The following NRG1 variants were observed in gnomAD, a reference collection of about 807,000 sequenced individuals.
NRG1 encodes pro-neuregulin-1, membrane-bound isoform.
NRG1 carries 18 observed loss-of-function variants against 63.8 expected under a neutral mutation model. The observed-to-expected ratio is 0.28, with a 90% CI of 0.19 to 0.42. The LOEUF (loss-of-function observed/expected upper bound fraction) is 0.42. Ranked by LOEUF, NRG1 falls within the 10% of genes least tolerant of loss-of-function variation. The pLI is 1.00. For missense variants in NRG1, 762 were observed against 814.7 expected, an observed-to-expected ratio of 0.94 and a Z score of 0.79; for synonymous variants, 302 against 301.3, an observed-to-expected ratio of 1.00 and a Z score of -0.02.
intron 5 of NRG1, among the ~76,000 whole-genome samples, chr8:32,641,873 A>G (rs1446839373): frequency 6.6e-6 from 1 of 152,190 alleles, no homozygotes; most frequent in Non-Finnish European, 1.5e-5. Context: ...CATCTCACCT[A>G]TTTTGCATCA....
intron 3 of NRG1, among the ~76,000 whole-genome samples, chr8:32,606,159 T>C (rs1240100533): frequency 2.0e-5 from 3 of 148,650 alleles, no homozygotes; most frequent in Non-Finnish European, 3.0e-5. Context: ...ATATATGTAT[T>C]ATGTATGTAT....
At chr8:32,648,032 A>G in intron 5 of NRG1, 1 of 1,614,142 alleles carries the variant, frequency 6.2e-7, no homozygotes, top group Non-Finnish European at 8.5e-7. Context: ...AGATCTTTGA[A>G]TATGACTCTC....
chr8:32,565,826 T>C (rs187136599), intron 1 of NRG1, among the ~76,000 whole-genome samples: 65 of 152,324 alleles, frequency 4.3e-4, no homozygotes, highest in Admixed American at 3.5e-3. Flanking sequence ...CTGTGCTTGA[T>C]GGTTGGTCTC....
chr8:32,573,704 A>T (rs1839074743), intron 1 of NRG1, among the ~76,000 whole-genome samples: 1 of 151,956 alleles, frequency 6.6e-6, no homozygotes, highest in African/African-American at 2.4e-5. Context: ...CACAATGTGC[A>T]GGTTTGTTAC....
At position 31,781,847 on chromosome 8, in the gene NRG1, A is replaced by T. The variant is rs1436868761; in HGVS notation, c.37+142416A>T. Among the ~76,000 whole-genome samples the T allele has an allele frequency of 3.3e-5, 5 of 151,722 alleles. No individual in the cohort carries two copies. In the South Asian group the frequency reaches 6.2e-4, roughly 19 times the overall value. On this transcript the variant is annotated intron_variant, in intron 1 of 10. Coordinates refer to the NRG1 transcript ENST00000519301. Reference sequence around the variant, plus strand: ...TCTAAATTCCAAAAAAAAAAGGAAGAGTAAAGAATACTAAACTGCTTTCTG... The same window carrying T: ...TCTAAATTCCAAAAAAAAAAGGAAGTGTAAAGAATACTAAACTGCTTTCTG...
chr8:31,842,154 G>A (rs1314125602), intron 1 of NRG1, among the ~76,000 whole-genome samples: 2 of 152,206 alleles, frequency 1.3e-5, no homozygotes, highest in Non-Finnish European at 2.9e-5. Flanking sequence ...TAGTAGAAAA[G>A]GATCCCTAGG....
chr8:31,655,926 G>A (rs1272305027), intron 1 of NRG1, among the ~76,000 whole-genome samples: 2 of 152,250 alleles, frequency 1.3e-5, no homozygotes, highest in Non-Finnish European at 2.9e-5. Flanking sequence ...TGTATGCACA[G>A]TAGGTGATGC....
At chr8:32,659,304 G>A (rs1413941283) in intron 5 of NRG1, among the ~76,000 whole-genome samples, 1 of 151,994 alleles carries the variant, frequency 6.6e-6, no homozygotes, top group Non-Finnish European at 1.5e-5. Flanking sequence ...TATCATGCCT[G>A]GCTAAGTTTT....
chr8:32,226,934 A>C (rs868201463), intron 1 of NRG1, among the ~76,000 whole-genome samples: 5 of 152,332 alleles, frequency 3.3e-5, no homozygotes, highest in Middle Eastern at 6.8e-3. Context: ...TAGAGATAGA[A>C]TGTGTCCTAC....
intron 1 of NRG1, among the ~76,000 whole-genome samples, chr8:32,553,369 T>G (rs1232019247): frequency 6.6e-6 from 1 of 152,256 alleles, no homozygotes; most frequent in Admixed American, 6.5e-5. Flanking sequence ...TTTCCAAAAT[T>G]TACCTTTTAT....
intron 1 of NRG1, among the ~76,000 whole-genome samples, chr8:31,761,828 G>A (rs1037265959): frequency 3.9e-5 from 6 of 152,276 alleles, no homozygotes; most frequent in African/African-American, 1.2e-4. Context: ...GGAAGCACAT[G>A]CTGTTGGAAA....
At chr8:32,646,537 A>C (rs1814525603) in intron 5 of NRG1, among the ~76,000 whole-genome samples, 1 of 152,042 alleles carries the variant, frequency 6.6e-6, no homozygotes, top group African/African-American at 2.4e-5. Flanking sequence ...ATAAGGTCCC[A>C]CCTACACCAC....
chr8:32,288,454 T>G (rs1044132810), intron 1 of NRG1, among the ~76,000 whole-genome samples: 1 of 152,238 alleles, frequency 6.6e-6, no homozygotes, highest in Non-Finnish European at 1.5e-5. Flanking sequence ...GCTTTGACTT[T>G]AAAAGCCCAT....
intron 1 of NRG1, among the ~76,000 whole-genome samples, chr8:31,854,879 C>T (rs1290923407): frequency 6.6e-6 from 1 of 152,158 alleles, no homozygotes; most frequent in South Asian, 2.1e-4. Context: ...ACCCAGTAGT[C>T]ATTCAGGAGC....
intron 1 of NRG1, among the ~76,000 whole-genome samples, chr8:31,819,496 T>A (rs1280969006): frequency 6.6e-6 from 1 of 152,192 alleles, no homozygotes; most frequent in East Asian, 1.9e-4. Flanking sequence ...TTACTGGCCA[T>A]ACCCAGAATC....
chr8:32,116,964 G>A (rs1023619299), intron 1 of NRG1, among the ~76,000 whole-genome samples: 12 of 111,318 alleles, frequency 1.1e-4, no homozygotes, highest in Non-Finnish European at 1.8e-4. Flanking sequence ...TAGAGACCCT[G>A]TCTCTACAAA....
At chr8:32,122,790 A>T (rs1281598004) in intron 1 of NRG1, among the ~76,000 whole-genome samples, 2 of 151,362 alleles carry the variant, frequency 1.3e-5, no homozygotes, top group Non-Finnish European at 3.0e-5. Flanking sequence ...CCACCCCACA[A>T]CAGTCCCCAG....
chr8:32,665,121 A>T (rs1803810443), intron 5 of NRG1, among the ~76,000 whole-genome samples: 1 of 152,150 alleles, frequency 6.6e-6, no homozygotes, highest in South Asian at 2.1e-4. Flanking sequence ...CCTCTTTTCG[A>T]GTGTGTGTTC....
At chr8:32,676,301 A>G (rs1177280326) in intron 5 of NRG1, among the ~76,000 whole-genome samples, 1 of 152,218 alleles carries the variant, frequency 6.6e-6, no homozygotes, top group Non-Finnish European at 1.5e-5. Flanking sequence ...ATCATGGACC[A>G]CAACAGGTGG....
Sources: gnomAD v4.1 joint callset for allele counts (sites outside exome capture counted in the v4.1 genomes callset) on GRCh38, gnomAD v4.1.1 for gene constraint, MANE v1.5 for transcripts, NCBI Gene and HGNC (gene_info 2026-07-23, HGNC 2026-07-21) for gene names.